NAV2: variants seen among roughly 807,000 people sequenced by gnomAD.
The protein encoded by NAV2 is neuron navigator 2, also known as helicase, APC down-regulated 1.
NAV2 carries 54 observed loss-of-function variants against 223.2 expected under a neutral mutation model. The ratio of observed to expected loss-of-function variants is 0.24; its 90% CI spans 0.19 to 0.30. NAV2 has a LOEUF of 0.30. Ranked by LOEUF, NAV2 falls within the 10% of genes least tolerant of loss-of-function variation. The pLI is 1.00. For missense variants in NAV2, 2,806 were observed against 3,147.5 expected (o/e 0.89, Z 2.60); for synonymous variants, 1,279 against 1,239.3 (o/e 1.03, Z -0.67).
intron 1 of NAV2, among the ~76,000 whole-genome samples, chr11:19,628,964 A>G (rs2047259410): frequency 1.3e-5 from 2 of 152,230 alleles, no homozygotes; most frequent in South Asian, 4.1e-4. Flanking sequence ...AGCACCTGAG[A>G]CTACAGCCCT....
intron 1 of NAV2, among the ~76,000 whole-genome samples, chr11:19,596,172 A>G (rs1361920649): frequency 6.6e-6 from 1 of 152,226 alleles, no homozygotes; most frequent in Non-Finnish European, 1.5e-5. Context: ...TAAGGCTGGC[A>G]TGGGGAATGA....
intron 1 of NAV2, among the ~76,000 whole-genome samples, chr11:19,355,218 C>T (rs1222705690): frequency 4.7e-5 from 7 of 149,806 alleles, no homozygotes; most frequent in South Asian, 4.3e-4. Context: ...TTTCCCACAG[C>T]GGATGAACAT....
rs149961078 is a variant in NAV2 at position 19,720,886 on chromosome 11, A to G, written c.267+6924A>G. On this transcript the variant is annotated intron_variant, in intron 1 of 37. Transcript: ENST00000349880. Reference sequence around the variant, plus strand: ...TTCAACAAATCACATTTTCTTTCTGAGCTTCAGTAGCCTCACCTATAAAAT... The same window carrying G: ...TTCAACAAATCACATTTTCTTTCTGGGCTTCAGTAGCCTCACCTATAAAAT... Among the ~76,000 whole-genome samples, 193 of 152,266 alleles carry G rather than the reference A, an allele frequency of 1.3e-3. 2 individuals are homozygous for G. Among genetic ancestry groups the G allele is most frequent in the African/African-American group, 4.4e-3 (184 of 41,558 alleles).
chr11:20,096,359 A>G (rs943286505), intron 30 of NAV2, among the ~76,000 whole-genome samples: 5 of 152,208 alleles, frequency 3.3e-5, no homozygotes, highest in African/African-American at 1.2e-4. Flanking sequence ...GTGAACCTTG[A>G]AACACATGGT....
chr11:19,520,285 C>T (rs1025245936), intron 1 of NAV2, among the ~76,000 whole-genome samples: 2 of 152,264 alleles, frequency 1.3e-5, no homozygotes, highest in Non-Finnish European at 2.9e-5. Context: ...AGCTCATTTT[C>T]AGGCACGCAC....
At chr11:19,903,947 G>T (rs2042654454) in intron 6 of NAV2, among the ~76,000 whole-genome samples, 1 of 152,194 alleles carries the variant, frequency 6.6e-6, no homozygotes, top group African/African-American at 2.4e-5. Context: ...TTTCTCTTGA[G>T]TGGTGAGGAA....
intron 1 of NAV2, among the ~76,000 whole-genome samples, chr11:19,793,230 G>A (rs113241934): frequency 1.9e-3 from 159 of 83,656 alleles, no homozygotes; most frequent in Middle Eastern, 6.0e-3. Flanking sequence ...AAAAAAAAAA[G>A]AAAGAAAGAA....
rs77195886 is a variant in NAV2, at chr11:20,111,080, G to A, written c.6960+3298G>A. ...GATATCGCCCTCTAGTGAGCATAAG[G>A]TAGCACTGCAAGGGCGTGTAAGTGC... On this transcript the variant is annotated intron_variant, in intron 36 of 37. Coordinates refer to ENST00000349880, the MANE Select transcript of NAV2 (RefSeq NM_145117.5). Among the ~76,000 whole-genome samples, 1,031 of 152,316 alleles carry A rather than the reference G, an allele frequency of 6.8e-3. 12 individuals are homozygous for A. The highest frequency in any genetic ancestry group is 0.024 in the African/African-American group (987 of 41,566).
At chr11:19,786,509 G>A (rs2057129614) in intron 1 of NAV2, among the ~76,000 whole-genome samples, 1 of 152,204 alleles carries the variant, frequency 6.6e-6, no homozygotes, top group Non-Finnish European at 1.5e-5. Flanking sequence ...TTACTGTAAG[G>A]TCATTGAGAT....
At chr11:19,777,567 A>AC (rs1555046665) in intron 1 of NAV2, 39 of 448,420 alleles carry the variant, frequency 8.7e-5, no homozygotes, top group South Asian at 5.6e-4. Flanking sequence ...CTACTTTTTA[A>AC]CCCCCCACCC....
At position 19,923,532 on chromosome 11, in the gene NAV2, G is replaced by T. The variant is rs554521969; in HGVS notation, c.932-9644G>T. 9.3e-4 allele frequency among the ~76,000 whole-genome samples: 142 copies of T among 152,262 alleles called. 1 individual carries two copies. The highest frequency in any genetic ancestry group is 6.8e-3 in the Middle Eastern group (2 of 294). ...AACACTGATTTGGAGGCTCCTATTT[G>T]GGGCTGCCCATCCTTGCCCCAATAG... On this transcript the variant is annotated intron_variant, in intron 6 of 37. Coordinates refer to ENST00000349880, the MANE Select transcript of NAV2 (RefSeq NM_145117.5).
At chr11:19,626,264 A>T (rs547478558) in intron 1 of NAV2, among the ~76,000 whole-genome samples, 1 of 152,224 alleles carries the variant, frequency 6.6e-6, no homozygotes, top group African/African-American at 2.4e-5. Context: ...AGTTTTCCCA[A>T]CACCATTTAT....
chr11:19,733,456 G>A (rs1233943635), intron 1 of NAV2, among the ~76,000 whole-genome samples: 18 of 152,058 alleles, frequency 1.2e-4, no homozygotes, highest in African/African-American at 1.2e-4. Flanking sequence ...TGTGCTTTAC[G>A]GGAGACCGAA....
At chr11:19,895,491 T>G (rs903234722) in intron 6 of NAV2, among the ~76,000 whole-genome samples, 5 of 152,220 alleles carry the variant, frequency 3.3e-5, no homozygotes, top group African/African-American at 1.2e-4. Context: ...TTGCCCTCGC[T>G]GGTAACTAAG....
chr11:19,775,206 A>G (rs752079664), intron 1 of NAV2, among the ~76,000 whole-genome samples: 3 of 152,230 alleles, frequency 2.0e-5, no homozygotes, highest in Non-Finnish European at 2.9e-5. Flanking sequence ...ATTTTAATAC[A>G]GAATATGCTT....
chr11:19,941,785 C>A (rs549663120), intron 8 of NAV2, among the ~76,000 whole-genome samples: 1 of 152,182 alleles, frequency 6.6e-6, no homozygotes, highest in Admixed American at 6.6e-5. Context: ...ATAAGGCAGC[C>A]CTTTACTTTT....
chr11:19,469,055 A>G (rs1300005574), intron 1 of NAV2, among the ~76,000 whole-genome samples: 1 of 152,220 alleles, frequency 6.6e-6, no homozygotes, highest in Non-Finnish European at 1.5e-5. Context: ...TGCACCTAGC[A>G]TAGTACCTGG....
At chr11:19,348,022 C>G (rs962461087), upstream of NAV2, among the ~76,000 whole-genome samples, 2 of 152,308 alleles carry the variant, frequency 1.3e-5, no homozygotes, top group East Asian at 3.9e-4. Flanking sequence ...AGCCCCAGAA[C>G]TGGTGGAGAC....
intron 1 of NAV2, among the ~76,000 whole-genome samples, chr11:19,560,116 G>A (rs1246409267): frequency 6.6e-6 from 1 of 152,150 alleles, no homozygotes; most frequent in Non-Finnish European, 1.5e-5. Context: ...TGTTGAAGCT[G>A]TTTTTCATTG....
Sources: gnomAD v4.1 joint callset for allele counts (sites outside exome capture counted in the v4.1 genomes callset) on GRCh38, gnomAD v4.1.1 for gene constraint, MANE v1.5 for transcripts, NCBI Gene and HGNC (gene_info 2026-07-23, HGNC 2026-07-21) for gene names.